Variants in TRIM37 observed in about 807,000 individuals in gnomAD.
The protein encoded by TRIM37 is tripartite motif containing 37, also known as E3 ubiquitin-protein ligase TRIM37.
TRIM37 carries 80 observed loss-of-function variants against 129.8 expected under a neutral mutation model. The ratio of observed to expected loss-of-function variants is 0.62; its 90% CI spans 0.51 to 0.74. The LOEUF (loss-of-function observed/expected upper bound fraction) is 0.74, where lower values mean the gene tolerates loss of function less well. TRIM37 is among the 30% of genes least tolerant of loss of function. The pLI is 0.00. For missense variants in TRIM37, 1,054 were observed against 1,176.5 expected (o/e 0.90, Z 1.52); for synonymous variants, 389 against 387.1 (o/e 1.00, Z -0.06).
chr17:59,042,446 AAAAATATATATATAT>A (rs1157141766), intron 16 of TRIM37, among the ~76,000 whole-genome samples: 8 of 44,728 alleles, frequency 1.8e-4, no homozygotes, highest in South Asian at 7.9e-4. Flanking sequence ...AAAAAAAAAA[AAAAATATATATATAT>A]ATATATATAT....
chr17:59,002,215 G>A (rs1403111691), intron 22 of TRIM37, among the ~76,000 whole-genome samples: 4 of 152,052 alleles, frequency 2.6e-5, no homozygotes, highest in Admixed American at 6.5e-5. Context: ...ATTTTTTTGT[G>A]TATGTCGGTT....
At chr17:59,032,491 G>C (rs2037976571) in intron 17 of TRIM37, among the ~76,000 whole-genome samples, 1 of 137,476 alleles carries the variant, frequency 7.3e-6, no homozygotes, top group South Asian at 2.3e-4. Context: ...CGCCACTGCA[G>C]TCCGCAGTCC....
chr17:58,998,964 G>A lies in TRIM37; in HGVS notation c.*413C>T, dbSNP rs865867055. 5.8e-6 allele frequency: 6 copies of A among 1,035,766 alleles called. No individual in the cohort carries two copies. Among genetic ancestry groups the A allele is most frequent in the Non-Finnish European group, 7.0e-6 (6 of 859,734 alleles). 64.2% of individuals were successfully genotyped at this position (1,035,766 alleles called of 1,614,324 possible). On this transcript the variant is annotated 3_prime_UTR_variant, in exon 24 of 24. Coordinates refer to ENST00000262294, the MANE Select transcript of TRIM37 (RefSeq NM_015294.6). ...CTGTAATTAAAACCCCAAATATAAAGATGATTATTTAAACACAACTAAGCT... is the reference window on the plus strand; with the variant it reads ...CTGTAATTAAAACCCCAAATATAAAAATGATTATTTAAACACAACTAAGCT...
chr17:59,019,775 A>G (rs2036369134), intron 19 of TRIM37, among the ~76,000 whole-genome samples: 1 of 152,084 alleles, frequency 6.6e-6, no homozygotes, highest in South Asian at 2.1e-4. Flanking sequence ...ACCAGAAGAT[A>G]GTAGAAGGGG....
At chr17:59,010,026 T>C (rs867525985) in intron 22 of TRIM37, among the ~76,000 whole-genome samples, 11 of 152,130 alleles carry the variant, frequency 7.2e-5, no homozygotes, top group African/African-American at 2.7e-4. Context: ...TAACAATTGG[T>C]TTTCAACTGC....
At chr17:59,069,994 G>A (rs191461086) in intron 9 of TRIM37, among the ~76,000 whole-genome samples, 8 of 152,300 alleles carry the variant, frequency 5.3e-5, no homozygotes, top group Non-Finnish European at 7.4e-5. Flanking sequence ...ATACATTTCT[G>A]TTGTTTAAAG....
intron 2 of TRIM37, among the ~76,000 whole-genome samples, chr17:59,101,105 A>C (rs977789915): frequency 5.3e-5 from 8 of 152,158 alleles, no homozygotes; most frequent in African/African-American, 1.9e-4. Context: ...AGTTATACCT[A>C]ATAAAAAATG....
chr17:59,068,341 T>C (rs1026037743), intron 9 of TRIM37, among the ~76,000 whole-genome samples: 15 of 152,220 alleles, frequency 9.9e-5, no homozygotes, highest in African/African-American at 3.4e-4. Flanking sequence ...CCTCTAAAGA[T>C]TCTGGGGACA....
Position 59,015,795 on chromosome 17 carries a change from G to A in TRIM37, c.2391C>T (p.Ser797=), listed in dbSNP as rs745556665. 2.5e-6 allele frequency: 4 copies of A among 1,612,468 alleles called. No individual in the cohort carries two copies. In the African/African-American group the frequency reaches 5.4e-5, roughly 22 times the overall value. The change falls in exon 21 of 24, where the codon TCC becomes TCT. Residue 797 remains serine, a synonymous_variant. Transcript: ENST00000262294. ...TGCTCCCAGACTGAGAGCTTCCTGG[G>A]GAGCCTTCAAAAAAAGGAAGATGGA... ...KGDCQTLSEG[S]PGSSQSGSRH...
At chr17:59,075,824 A>T (rs2042769686) in intron 7 of TRIM37, 110 bp from the exon 8 acceptor site, 1 of 822,270 alleles carries the variant, frequency 1.2e-6, no homozygotes, top group South Asian at 1.5e-5. Flanking sequence ...AAGTAAGCAA[A>T]AATTCTTCAT....
In TRIM37 at chr17:59,049,486, T is replaced by A. The variant is rs115397387; in HGVS notation, c.1315-93A>T. The A allele has an allele frequency of 1.5e-3, 1,632 of 1,076,002 alleles. 16 individuals carry two copies. In the African/African-American group the frequency reaches 0.023, roughly 15 times the overall value. The allele number at this position is 1,076,002 out of a possible 1,614,324, so 66.7% of individuals were successfully genotyped here. ...AAAAAAAAATGCATCCAGATGTTTC[T>A]AAAACCATTGCTTTATTTATTTTTT... On this transcript the variant is annotated intron_variant, in intron 14 of 23. Coordinates refer to ENST00000262294, the MANE Select transcript of TRIM37 (RefSeq NM_015294.6).
At position 59,088,372 on chromosome 17, in the gene TRIM37, C is replaced by T. The variant is rs201317687; in HGVS notation, c.200G>A (p.Arg67His). The T allele has an allele frequency of 1.7e-5, 28 of 1,613,634 alleles. No homozygotes were observed. The highest frequency in any genetic ancestry group is 7.7e-5 in the South Asian group (7 of 91,074). The change falls in exon 4 of 24, where the codon CGT becomes CAT. Residue 67 changes from arginine (R) to histidine (H), a missense_variant. This residue lies in a region of TRIM37 where 752 missense variants were observed against 870.8 expected (regional missense o/e 0.86). Coordinates refer to ENST00000262294, the MANE Select transcript of TRIM37 (RefSeq NM_015294.6). Reference sequence around the variant, plus strand: ...CTGTTGTGTTACTTCTTCTGCCCAACGACAATTTACTAGTTCTCGTAGCTG... The same window carrying T: ...CTGTTGTGTTACTTCTTCTGCCCAATGACAATTTACTAGTTCTCGTAGCTG... ...PLQLRELVNC[R>H]WAEEVTQQLD... is the part of the protein sequence containing the mutation.
At chr17:59,010,383 G>A (rs2035100456) in intron 22 of TRIM37, among the ~76,000 whole-genome samples, 1 of 152,178 alleles carries the variant, frequency 6.6e-6, no homozygotes, top group Admixed American at 6.6e-5. Flanking sequence ...ATGGTGCAAA[G>A]GTGGAGAAAG....
intron 19 of TRIM37, among the ~76,000 whole-genome samples, chr17:59,027,175 A>G (rs2145477918): frequency 6.6e-6 from 1 of 152,260 alleles, no homozygotes; most frequent in South Asian, 2.1e-4. Context: ...TTTTACTAGG[A>G]TATCTAGCAG....
chr17:59,033,022 T>C (rs1318146462), intron 17 of TRIM37, among the ~76,000 whole-genome samples: 1 of 152,196 alleles, frequency 6.6e-6, no homozygotes, highest in African/African-American at 2.4e-5. Flanking sequence ...AGCATCTGAC[T>C]TTTCTCTAGC....
intron 9 of TRIM37, 84 bp downstream of exon 9, chr17:59,070,738 TA>T (rs200622963): frequency 0.014 from 16,218 of 1,136,874 alleles, no homozygotes; most frequent in East Asian, 0.016. Flanking sequence ...GAGATGGCAT[TA>T]AAAAAAAAAA....
chr17:59,042,443 A>ATATATATATATATATATAT (rs1281091065), intron 16 of TRIM37, among the ~76,000 whole-genome samples: 4 of 50,206 alleles, frequency 8.0e-5, no homozygotes, highest in African/African-American at 1.7e-4. Flanking sequence ...AAAAAAAAAA[A>ATATATATATATATATATAT]AAAAAAATAT....
At chr17:58,988,040 G>A (rs7214892) in intron 24 of TRIM37, among the ~76,000 whole-genome samples, 96,782 of 152,122 alleles carry the variant, frequency 0.64, 31,174 homozygotes, top group African/African-American at 0.71. Context: ...GAGTAACCAA[G>A]TGGCACCAAA....
At chr17:59,042,443 AAAAAAAATATATATAT>A (rs1160691525) in intron 16 of TRIM37, among the ~76,000 whole-genome samples, 1 of 50,198 alleles carries the variant, frequency 2.0e-5, no homozygotes, top group African/African-American at 8.6e-5. Context: ...AAAAAAAAAA[AAAAAAAATATATATAT>A]ATATATATAT....
Sources: allele counts gnomAD v4.1 joint callset (sites outside exome capture counted in the v4.1 genomes callset), GRCh38; gene constraint gnomAD v4.1.1; regional missense constraint gnomAD v4.1.1; transcripts MANE v1.5; gene names NCBI Gene and HGNC (gene_info 2026-07-23, HGNC 2026-07-21).